Variants in KIAA1549L observed in about 807,000 individuals in gnomAD.
KIAA1549L encodes UPF0606 protein KIAA1549L.
Under a neutral mutation model 160.7 loss-of-function variants are expected in KIAA1549L, and 88 were observed. That is an observed-to-expected ratio of 0.55 (90% CI 0.46 to 0.65). The LOEUF is 0.65. Among genes scored for constraint, KIAA1549L ranks in the 30% least tolerant of loss-of-function variants. The pLI, the probability that KIAA1549L is intolerant of heterozygous loss-of-function variation, is 0.00. For synonymous variants in KIAA1549L, 950 were observed against 976.7 expected (o/e 0.97, Z 0.51); for missense variants, 2,258 against 2,437.5 (o/e 0.93, Z 1.55).
At chr11:33,662,254 C>T (rs1363438335) in intron 20 of KIAA1549L, among the ~76,000 whole-genome samples, 1 of 152,076 alleles carries the variant, frequency 6.6e-6, no homozygotes, top group African/African-American at 2.4e-5. Context: ...CTTCTAGTGG[C>T]CACTCAATAT....
intron 1 of KIAA1549L, among the ~76,000 whole-genome samples, chr11:33,492,515 T>C (rs1236102231): frequency 6.6e-6 from 1 of 152,212 alleles, no homozygotes; most frequent in Non-Finnish European, 1.5e-5. Context: ...TTTATCTTTC[T>C]CTGTCATCTG....
intron 12 of KIAA1549L, among the ~76,000 whole-genome samples, chr11:33,593,896 G>A (rs1850131329): frequency 6.6e-6 from 1 of 152,094 alleles, no homozygotes; most frequent in Non-Finnish European, 1.5e-5. Context: ...TACTCTATAA[G>A]ACTGGGAAGA....
At chr11:33,614,425 G>C (rs866049144) in intron 15 of KIAA1549L, among the ~76,000 whole-genome samples, 54 of 149,170 alleles carry the variant, frequency 3.6e-4, no homozygotes, top group Non-Finnish European at 1.8e-4. Context: ...GACAACTCAG[G>C]ACAGCCCTTG....
chr11:33,626,371 A>G (rs1450585940), intron 16 of KIAA1549L, among the ~76,000 whole-genome samples: 45 of 148,330 alleles, frequency 3.0e-4, no homozygotes, highest in African/African-American at 1.1e-3. Flanking sequence ...TTTTCACAAT[A>G]TTGATTCTTC....
chr11:33,443,413 A>G (rs1851549210), intron 1 of KIAA1549L, among the ~76,000 whole-genome samples: 1 of 152,060 alleles, frequency 6.6e-6, no homozygotes, highest in Non-Finnish European at 1.5e-5. Context: ...TCCAGAGAGG[A>G]CACATTTGAA....
chr11:33,648,475 A>T (rs1048634007), intron 17 of KIAA1549L, among the ~76,000 whole-genome samples: 1 of 150,544 alleles, frequency 6.6e-6, no homozygotes, highest in African/African-American at 2.4e-5. Context: ...GTGGAAATCC[A>T]TAGAAAAGGT....
Position 33,609,885 on chromosome 11 carries a change from A to C in KIAA1549L, c.5198A>C (p.Tyr1733Ser). 1.2e-6 allele frequency: 2 copies of C among 1,614,008 alleles called. No individual in the cohort carries two copies. Among genetic ancestry groups the C allele is most frequent in the Non-Finnish European group, 1.7e-6 (2 of 1,179,870 alleles). The change falls in exon 15 of 21, where the codon TAT becomes TCT. Residue 1733 changes from tyrosine (Y) to serine (S), a missense_variant. Transcript: ENST00000658780. ...GGTCTGACCGAAAGAAAGAAGATGTATGAAAAAGCCCCGAAGGAAATGGAG... is the reference window on the plus strand; with the variant it reads ...GGTCTGACCGAAAGAAAGAAGATGTCTGAAAAAGCCCCGAAGGAAATGGAG... ...SKGLTERKKM[Y>S]EKAPKEMEHV...
intron 16 of KIAA1549L, among the ~76,000 whole-genome samples, chr11:33,638,817 C>T (rs1360208009): frequency 1.3e-5 from 2 of 152,152 alleles, no homozygotes; most frequent in Non-Finnish European, 2.9e-5. Flanking sequence ...TAATCTTTCT[C>T]ATTTTAGCCA....
At chr11:33,501,832 A>G (rs1202188559) in intron 1 of KIAA1549L, among the ~76,000 whole-genome samples, 2 of 152,154 alleles carry the variant, frequency 1.3e-5, no homozygotes, top group African/African-American at 2.4e-5. Context: ...CCCATTTTAT[A>G]GATGAGACAG....
chr11:33,629,246 G>A (rs1324454099), intron 16 of KIAA1549L, among the ~76,000 whole-genome samples: 3 of 151,902 alleles, frequency 2.0e-5, no homozygotes, highest in African/African-American at 4.8e-5. Flanking sequence ...CAACTTTGGT[G>A]AATCTGACAA....
At chr11:33,637,264 C>G (rs997491763) in intron 16 of KIAA1549L, among the ~76,000 whole-genome samples, 1 of 152,256 alleles carries the variant, frequency 6.6e-6, no homozygotes, top group African/African-American at 2.4e-5. Flanking sequence ...TACCCCTTGT[C>G]TGTCCATGAC....
chr11:33,509,147 G>A (rs886548096), intron 1 of KIAA1549L, among the ~76,000 whole-genome samples: 1 of 152,098 alleles, frequency 6.6e-6, no homozygotes, highest in East Asian at 1.9e-4. Flanking sequence ...CTGATGTTTT[G>A]TTGGCACTTC....
chr11:33,417,924 C>T (rs1590230771), intron 1 of KIAA1549L, among the ~76,000 whole-genome samples: 1 of 152,098 alleles, frequency 6.6e-6, no homozygotes. Context: ...ATTACAGGTG[C>T]CCACCACCAC....
intron 8 of KIAA1549L, among the ~76,000 whole-genome samples, chr11:33,563,108 A>G (rs1235532371): frequency 1.3e-5 from 2 of 151,996 alleles, no homozygotes; most frequent in Non-Finnish European, 2.9e-5. Context: ...CTGTAATCCC[A>G]GAACTTTGGG....
intron 1 of KIAA1549L, among the ~76,000 whole-genome samples, chr11:33,520,910 C>T (rs550321044): frequency 2.2e-4 from 34 of 152,226 alleles, no homozygotes; most frequent in Admixed American, 3.9e-4. Context: ...TGTCTGTAAT[C>T]TCAGCATTTT....
At chr11:33,381,380 A>C (rs1850070936) in intron 1 of KIAA1549L, among the ~76,000 whole-genome samples, 1 of 152,206 alleles carries the variant, frequency 6.6e-6, no homozygotes, top group African/African-American at 2.4e-5. Context: ...TAGACCTGAC[A>C]GTGAAAATCT....
chr11:33,635,684 TTCATTCATTTTA>T (rs1183193654), intron 16 of KIAA1549L, among the ~76,000 whole-genome samples: 3 of 30,054 alleles, frequency 1.0e-4, no homozygotes, highest in African/African-American at 3.0e-4. Context: ...ATAAAACTGT[TTCATTCATTTTA>T]GACAAAACTG....
At chr11:33,449,671 G>A (rs1851681542) in intron 1 of KIAA1549L, among the ~76,000 whole-genome samples, 1 of 151,232 alleles carries the variant, frequency 6.6e-6, no homozygotes, top group African/African-American at 2.5e-5. Context: ...CCTCCTGATG[G>A]TCCTCTCTGA....
intron 1 of KIAA1549L, among the ~76,000 whole-genome samples, chr11:33,519,451 G>A (rs796757273): frequency 3.5e-4 from 54 of 152,274 alleles, no homozygotes; most frequent in African/African-American, 1.3e-3. Flanking sequence ...CTTGGTATTT[G>A]TAAGAAGTCA....
Sources: gnomAD v4.1 joint callset for allele counts (sites outside exome capture counted in the v4.1 genomes callset) on GRCh38, gnomAD v4.1.1 for gene constraint, MANE v1.5 for transcripts, NCBI Gene and HGNC (gene_info 2026-07-23, HGNC 2026-07-21) for gene names.